GPM6A: variants seen among roughly 807,000 people sequenced by gnomAD.
GPM6A encodes the protein glycoprotein M6A, also known as neuronal membrane glycoprotein M6-a.
A neutral mutation model predicts 32.1 loss-of-function variants in GPM6A; 7 were observed. The observed-to-expected ratio is 0.22, with a 90% CI of 0.12 to 0.41. The LOEUF (loss-of-function observed/expected upper bound fraction) is 0.41. Ranked by LOEUF, GPM6A falls within the 10% of genes least tolerant of loss-of-function variation. The pLI, the probability that GPM6A is intolerant of heterozygous loss-of-function variation, is 1.00. For missense variants in GPM6A, 235 were observed against 347.2 expected (o/e 0.68, Z 2.57); for synonymous variants, 130 against 123.4 (o/e 1.05, Z -0.35).
At chr4:175,921,812 C>T (rs1199702705) in intron 1 of GPM6A, among the ~76,000 whole-genome samples, 2 of 152,090 alleles carry the variant, frequency 1.3e-5, no homozygotes, top group Admixed American at 6.5e-5. Context: ...TGGAGTGTAC[C>T]ATATTTCCAA....
chr4:175,633,801 A>T lies in GPM6A; in HGVS notation c.*1104T>A, dbSNP rs1740430435. 6.6e-6 allele frequency: 1 copy of T among 152,514 alleles called. No homozygotes were observed. The allele number at this position is 152,514 out of a possible 1,614,324, so 9.4% of individuals were successfully genotyped here. On this transcript the variant is annotated 3_prime_UTR_variant, in exon 7 of 7. Transcript: ENST00000393658. Reference sequence around the variant, plus strand: ...TACACTTTCAAACAATACATTCTATAGGGGCCTCTGACCACACTTTATAAA... The same window carrying T: ...TACACTTTCAAACAATACATTCTATTGGGGCCTCTGACCACACTTTATAAA...
chr4:175,643,708 TA>T (rs1741288154), intron 4 of GPM6A, among the ~76,000 whole-genome samples: 1 of 152,114 alleles, frequency 6.6e-6, no homozygotes, highest in African/African-American at 2.4e-5. Flanking sequence ...TCTAAAATAA[TA>T]ATTAGTCACA....
rs116647129 is a variant in GPM6A at position 175,703,726 on chromosome 4, C to G, written c.38-1959G>C. Among the ~76,000 whole-genome samples, 554 of 152,244 alleles carry G rather than the reference C, an allele frequency of 3.6e-3. 4 individuals carry two copies. Among genetic ancestry groups the G allele is most frequent in the African/African-American group, 0.013 (526 of 41,558 alleles). On this transcript the variant is annotated intron_variant, in intron 1 of 6. Coordinates refer to ENST00000393658, the MANE Select transcript of GPM6A (RefSeq NM_201591.3). Reference sequence around the variant, plus strand: ...CTTAAGTATATATGTTTTGCAAGAGCAAATACTGGTGAGGCACTATGTGCC... The same window carrying G: ...CTTAAGTATATATGTTTTGCAAGAGGAAATACTGGTGAGGCACTATGTGCC...
chr4:176,001,748 T>C (rs1388574302), intron 1 of GPM6A, among the ~76,000 whole-genome samples: 1 of 152,152 alleles, frequency 6.6e-6, no homozygotes, highest in African/African-American at 2.4e-5. Flanking sequence ...GGCACTTCGT[T>C]TGGAAAGGGA....
At chr4:175,680,733 A>G (rs1272008741) in intron 2 of GPM6A, among the ~76,000 whole-genome samples, 1 of 152,110 alleles carries the variant, frequency 6.6e-6, no homozygotes, top group Non-Finnish European at 1.5e-5. Flanking sequence ...AACCCATTTC[A>G]TTGGATCCTT....
chr4:175,668,373 C>T (rs1305925377), intron 3 of GPM6A, among the ~76,000 whole-genome samples: 2 of 151,832 alleles, frequency 1.3e-5, no homozygotes, highest in Non-Finnish European at 2.9e-5. Context: ...AAGGAGTCTA[C>T]ACCTCCTACA....
chr4:175,640,263 C>T, intron 5 of GPM6A, 69 bp from the exon 6 acceptor site: 2 of 1,224,210 alleles, frequency 1.6e-6, no homozygotes, highest in African/African-American at 1.5e-5. Flanking sequence ...AAGATTGCTA[C>T]TGTCTTATAA....
At chr4:175,909,336 C>A (rs1244420773) in intron 1 of GPM6A, among the ~76,000 whole-genome samples, 1 of 152,116 alleles carries the variant, frequency 6.6e-6, no homozygotes, top group African/African-American at 2.4e-5. Flanking sequence ...GATAAGTAGT[C>A]ATACTTTTCA....
intron 2 of GPM6A, among the ~76,000 whole-genome samples, chr4:175,698,358 G>A (rs1744688900): frequency 6.6e-6 from 1 of 152,082 alleles, no homozygotes; most frequent in Non-Finnish European, 1.5e-5. Context: ...CCACAATTAT[G>A]CTCTTATACA....
chr4:175,739,917 C>T (rs998263454), intron 1 of GPM6A, among the ~76,000 whole-genome samples: 2 of 151,666 alleles, frequency 1.3e-5, no homozygotes, highest in African/African-American at 2.4e-5. Context: ...CATTTTATTC[C>T]ACAAAAGTGA....
intron 1 of GPM6A, among the ~76,000 whole-genome samples, chr4:175,704,225 G>C (rs1745036221): frequency 6.6e-6 from 1 of 152,016 alleles, no homozygotes; most frequent in Non-Finnish European, 1.5e-5. Flanking sequence ...GTTAAAAAAA[G>C]GAGTCTGAAC....
chr4:175,681,908 C>G (rs1456910527), intron 2 of GPM6A, among the ~76,000 whole-genome samples: 1 of 152,088 alleles, frequency 6.6e-6, no homozygotes, highest in Non-Finnish European at 1.5e-5. Context: ...TATAAAGATA[C>G]ATGAAAATGT....
At chr4:175,637,978 A>G (rs539968463) in intron 6 of GPM6A, among the ~76,000 whole-genome samples, 1 of 143,942 alleles carries the variant, frequency 6.9e-6, no homozygotes, top group Admixed American at 7.6e-5. Context: ...GGTTCTTACA[A>G]GCATTTCCTC....
chr4:175,674,958 T>G (rs1296544646), intron 2 of GPM6A, among the ~76,000 whole-genome samples: 1 of 151,678 alleles, frequency 6.6e-6, no homozygotes, highest in African/African-American at 2.4e-5. Flanking sequence ...CTAGAAAATA[T>G]AAAAATGTGC....
chr4:175,933,486 C>T (rs1561000444), intron 1 of GPM6A, among the ~76,000 whole-genome samples: 1 of 152,172 alleles, frequency 6.6e-6, no homozygotes, highest in Non-Finnish European at 1.5e-5. Flanking sequence ...CAGTTACACT[C>T]CTCTCCTGTG....
At chr4:175,794,541 G>T (rs1030794594) in intron 1 of GPM6A, among the ~76,000 whole-genome samples, 6 of 152,102 alleles carry the variant, frequency 3.9e-5, no homozygotes, top group African/African-American at 1.4e-4. Context: ...GATTAATATT[G>T]CTCGGAAGTT....
At chr4:175,646,076 C>T (rs145494020) in intron 4 of GPM6A, among the ~76,000 whole-genome samples, 1,946 of 152,216 alleles carry the variant, frequency 0.013, 23 homozygotes, top group Middle Eastern at 0.041. Context: ...AAGGATGCTT[C>T]TGATTACATT....
intron 2 of GPM6A, among the ~76,000 whole-genome samples, chr4:175,687,974 T>G (rs1744082878): frequency 6.6e-6 from 1 of 152,222 alleles, no homozygotes; most frequent in African/African-American, 2.4e-5. Flanking sequence ...GTTGGCCAAT[T>G]GTAAGTCTTC....
At chr4:175,933,930 C>G (rs2126319674) in intron 1 of GPM6A, among the ~76,000 whole-genome samples, 1 of 152,292 alleles carries the variant, frequency 6.6e-6, no homozygotes, top group East Asian at 1.9e-4. Context: ...TGAATACATA[C>G]AATGGGATAC....
Sources: gnomAD v4.1 joint callset for allele counts (sites outside exome capture counted in the v4.1 genomes callset) on GRCh38, gnomAD v4.1.1 for gene constraint, MANE v1.5 for transcripts, NCBI Gene and HGNC (gene_info 2026-07-23, HGNC 2026-07-21) for gene names.